The following CALN1 variants were observed in gnomAD, a reference collection of about 807,000 sequenced individuals.
CALN1 encodes calneuron 1.
CALN1 carries 17 observed loss-of-function variants against 30.6 expected under a neutral mutation model. That is an observed-to-expected ratio of 0.56 (90% CI 0.38 to 0.83). CALN1 has a LOEUF of 0.83. Among genes scored for constraint, CALN1 ranks in the 40% least tolerant of loss-of-function variants. CALN1 has a pLI of 0.00. For missense variants in CALN1, 291 were observed against 354.9 expected (o/e 0.82, Z 1.45); for synonymous variants, 156 against 131.4 (o/e 1.19, Z -1.28).
intron 1 of CALN1, among the ~76,000 whole-genome samples, chr7:72,411,143 G>C (rs770594766): frequency 6.6e-6 from 1 of 151,984 alleles, no homozygotes; most frequent in African/African-American, 2.4e-5. Flanking sequence ...AAACATAAAG[G>C]TTTTACAGAT....
rs569948351 is a variant in CALN1, at chr7:72,236,218, G to A, written c.244+42468C>T. ...TGACCATCCCAACCTTGTTATTCAC[G>A]CAACGTCTCTCACTTACGTAAAGGC... On this transcript the variant is annotated intron_variant, in intron 3 of 6. Coordinates refer to ENST00000395275, the MANE Select transcript of CALN1 (RefSeq NM_031468.4). Among the ~76,000 whole-genome samples the A allele has an allele frequency of 2.0e-4, 30 of 152,058 alleles. 1 individual carries two copies. The South Asian group carries it at 2.5e-3, about 13-fold the overall frequency.
At chr7:72,501,628 T>C in the CALN1 span, among the ~76,000 whole-genome samples, 1 of 150,320 alleles carries the variant, frequency 6.7e-6, no homozygotes, top group South Asian at 2.1e-4. Context: ...ATAATATTCT[T>C]GGCTGGGCGC....
intron 5 of CALN1, among the ~76,000 whole-genome samples, chr7:71,980,153 G>T (rs111978177): frequency 0.015 from 2,201 of 145,056 alleles, 26 homozygotes; most frequent in Middle Eastern, 0.07. Context: ...GCAGGATTAC[G>T]GGCGTGAGCC....
intron 5 of CALN1, among the ~76,000 whole-genome samples, chr7:71,995,033 C>T (rs954905516): frequency 3.9e-5 from 6 of 152,012 alleles, no homozygotes; most frequent in Non-Finnish European, 2.9e-5. Context: ...TTTATATTTT[C>T]AGTAGAGACG....
intron 1 of CALN1, among the ~76,000 whole-genome samples, chr7:72,441,610 A>T (rs956244271): frequency 2.0e-5 from 3 of 151,656 alleles, no homozygotes; most frequent in African/African-American, 7.3e-5. Flanking sequence ...AAAAAAAAAA[A>T]AAAAAAAAAA....
At chr7:72,334,564 A>G (rs1053836650) in intron 2 of CALN1, among the ~76,000 whole-genome samples, 1 of 151,948 alleles carries the variant, frequency 6.6e-6, no homozygotes, top group African/African-American at 2.4e-5. Context: ...ATGTGTGTCA[A>G]TCAAGTCTTG....
intron 2 of CALN1, among the ~76,000 whole-genome samples, chr7:72,328,059 G>A (rs1329863648): frequency 6.6e-6 from 1 of 152,074 alleles, no homozygotes; most frequent in Non-Finnish European, 1.5e-5. Context: ...TGAGAGTGAA[G>A]AAAGGTGCCT....
At chr7:72,031,518 G>C (rs532211678) in intron 4 of CALN1, among the ~76,000 whole-genome samples, 3 of 152,048 alleles carry the variant, frequency 2.0e-5, no homozygotes, top group Non-Finnish European at 2.9e-5. Flanking sequence ...CTGTATCAAG[G>C]CCATGCAGCT....
At chr7:71,931,843 G>A (rs552208639) in intron 5 of CALN1, among the ~76,000 whole-genome samples, 26 of 149,534 alleles carry the variant, frequency 1.7e-4, no homozygotes, top group Non-Finnish European at 3.6e-4. Flanking sequence ...AAAGTGTAGA[G>A]GAGCCCAAAA....
intron 1 of CALN1, among the ~76,000 whole-genome samples, chr7:72,407,255 A>T (rs1174118548): frequency 6.6e-6 from 1 of 152,178 alleles, no homozygotes; most frequent in Non-Finnish European, 1.5e-5. Flanking sequence ...TGATCTGCAA[A>T]ATGAACCTGA....
At chr7:72,035,796 A>G (rs930300338) in intron 4 of CALN1, among the ~76,000 whole-genome samples, 1 of 152,208 alleles carries the variant, frequency 6.6e-6, no homozygotes, top group Admixed American at 6.5e-5. Context: ...TATACATTAC[A>G]TGGCCCAAAC....
At chr7:72,183,896 A>G (rs1789993708) in intron 3 of CALN1, among the ~76,000 whole-genome samples, 2 of 152,170 alleles carry the variant, frequency 1.3e-5, no homozygotes, top group African/African-American at 4.8e-5. Flanking sequence ...CCTCGAACAA[A>G]GAAAAACTGA....
chr7:72,501,457 A>C, the CALN1 span, among the ~76,000 whole-genome samples: 1 of 138,422 alleles, frequency 7.2e-6, no homozygotes, highest in Non-Finnish European at 1.6e-5. Context: ...GAAGAGGAAA[A>C]AGGAGGAGGA....
At chr7:71,868,370 CT>C (rs11350119) in intron 5 of CALN1, among the ~76,000 whole-genome samples, 19,160 of 136,928 alleles carry the variant, frequency 0.14, 1,845 homozygotes, top group East Asian at 0.44. Flanking sequence ...GTGCTACACA[CT>C]TTTTTTTTTT....
At chr7:72,010,477 C>T (rs942663533) in intron 5 of CALN1, among the ~76,000 whole-genome samples, 2 of 152,014 alleles carry the variant, frequency 1.3e-5, no homozygotes, top group South Asian at 2.1e-4. Flanking sequence ...ATTCCAAAGC[C>T]ATTTTCCATC....
chr7:71,876,907 A>T (rs1414915166), intron 5 of CALN1, among the ~76,000 whole-genome samples: 3 of 152,192 alleles, frequency 2.0e-5, no homozygotes, highest in African/African-American at 7.2e-5. Flanking sequence ...TAAAAGATGA[A>T]AGAGCTCCAA....
At chr7:72,326,765 G>T (rs534050086) in intron 2 of CALN1, among the ~76,000 whole-genome samples, 1 of 152,048 alleles carries the variant, frequency 6.6e-6, no homozygotes, top group African/African-American at 2.4e-5. Context: ...AAATAAATTC[G>T]GTTTCCAATA....
At chr7:72,203,841 T>C (rs575207225) in intron 3 of CALN1, among the ~76,000 whole-genome samples, 2 of 152,148 alleles carry the variant, frequency 1.3e-5, no homozygotes, top group Non-Finnish European at 2.9e-5. Context: ...AAAGTCATAC[T>C]AGCCCAATGC....
chr7:71,788,532 C>T (rs1036426422), intron 6 of CALN1, among the ~76,000 whole-genome samples: 1 of 148,454 alleles, frequency 6.7e-6, no homozygotes, highest in African/African-American at 2.5e-5. Flanking sequence ...TGCTCTGTCT[C>T]CCAGGCTGGA....
Sources: allele counts gnomAD v4.1 joint callset (sites outside exome capture counted in the v4.1 genomes callset), GRCh38; gene constraint gnomAD v4.1.1; transcripts MANE v1.5; gene names NCBI Gene and HGNC (gene_info 2026-07-23, HGNC 2026-07-21).